The following ROCK1 variants were observed in gnomAD, a reference collection of about 807,000 sequenced individuals.
The protein encoded by ROCK1 is Rho associated coiled-coil containing protein kinase 1.
Under a neutral mutation model 196.8 loss-of-function variants are expected in ROCK1, and 36 were observed. The ratio of observed to expected loss-of-function variants is 0.18; its 90% CI spans 0.14 to 0.24. The LOEUF is 0.24. Among genes scored for constraint, ROCK1 ranks in the 10% least tolerant of loss-of-function variants. The pLI, the probability that ROCK1 is intolerant of heterozygous loss-of-function variation, is 1.00. For missense variants in ROCK1, 920 were observed against 1,562.0 expected (o/e 0.59, Z 6.93); for synonymous variants, 443 against 515.9 (o/e 0.86, Z 1.91).
At chr18:21,079,118 C>T (rs2036460723) in intron 1 of ROCK1, among the ~76,000 whole-genome samples, 1 of 152,108 alleles carries the variant, frequency 6.6e-6, no homozygotes. Context: ...TGTGGTCTTT[C>T]GCAGGCCTTC....
intron 17 of ROCK1, among the ~76,000 whole-genome samples, chr18:20,991,907 G>T (rs1443765502): frequency 1.3e-5 from 2 of 151,736 alleles, no homozygotes; most frequent in African/African-American, 4.8e-5. Flanking sequence ...CAAAGTGTTG[G>T]GTCTACAGGC....
intron 2 of ROCK1, among the ~76,000 whole-genome samples, chr18:21,064,497 T>G (rs1272047083): frequency 2.0e-5 from 3 of 152,220 alleles, no homozygotes; most frequent in African/African-American, 2.4e-5. Flanking sequence ...GTCTTGTTCT[T>G]CATGTCTTTA....
intron 2 of ROCK1, among the ~76,000 whole-genome samples, chr18:21,060,872 T>A (rs948521090): frequency 4.1e-5 from 6 of 146,976 alleles, no homozygotes; most frequent in African/African-American, 1.3e-4. Flanking sequence ...CCTAAATTCA[T>A]GCAAAAACTT....
In ROCK1 at chr18:20,949,884, T is replaced by C. The variant is rs2035167337; in HGVS notation, c.*1500A>G. 6.5e-6 allele frequency: 1 copy of C among 152,688 alleles called. No individual in the cohort carries two copies. The allele number at this position is 152,688 out of a possible 1,614,324, so 9.5% of individuals were successfully genotyped here. A position where few individuals can be genotyped will look rare whatever the true frequency, so the allele number is the denominator to read the frequency against. ...AGTAAAAATTAAAGATACCCATCCA[T>C]AAATTACTTTTATTTCTCATTAAAT... On this transcript the variant is annotated 3_prime_UTR_variant, in exon 33 of 33. Coordinates refer to ENST00000399799, the MANE Select transcript of ROCK1 (RefSeq NM_005406.3).
intron 1 of ROCK1, among the ~76,000 whole-genome samples, chr18:21,092,200 G>T (rs899760062): frequency 6.6e-6 from 1 of 152,152 alleles, no homozygotes; most frequent in Non-Finnish European, 1.5e-5. Context: ...AGGTATTGGA[G>T]AGTTACAATG....
At chr18:21,004,257 TG>T (rs1330774676) in intron 16 of ROCK1, among the ~76,000 whole-genome samples, 1 of 152,164 alleles carries the variant, frequency 6.6e-6, no homozygotes, top group Non-Finnish European at 1.5e-5. Context: ...AGATCATATA[TG>T]GAGGACATTC....
Position 20,967,808 on chromosome 18 carries a change from CTCTT to C in ROCK1, c.3132_3135del (p.Glu1046AsnfsTer6). Reference sequence around the variant, plus strand: ...TTCACTACCATCTGGTTGAATTTCTCTCTTTCTTGGTTGAGTTCCAGTTGCAGCT... The same window carrying C: ...TTCACTACCATCTGGTTGAATTTCTCTCTTGGTTGAGTTCCAGTTGCAGCT... On this transcript the variant is annotated frameshift_variant, in exon 26 of 33. Transcript: ENST00000399799. LOFTEE classifies it high-confidence loss of function. 1 of 1,608,910 alleles carries C rather than the reference CTCTT, an allele frequency of 6.2e-7. No individual in the cohort carries two copies. The highest frequency in any genetic ancestry group is 1.3e-5 in the African/African-American group (1 of 74,808).
chr18:21,107,817 G>A (rs2036715980), intron 1 of ROCK1, among the ~76,000 whole-genome samples: 1 of 152,210 alleles, frequency 6.6e-6, no homozygotes, highest in Non-Finnish European at 1.5e-5. Flanking sequence ...ACTTCGGGAG[G>A]CCAAGGCAGG....
chr18:21,098,636 A>C (rs1445259312), intron 1 of ROCK1, among the ~76,000 whole-genome samples: 1 of 2,744 alleles, frequency 3.6e-4, no homozygotes, highest in Non-Finnish European at 0.016. Flanking sequence ...GAAAAATTGC[A>C]AAAAAAAAAA....
chr18:21,060,411 G>C (rs1326823625), intron 2 of ROCK1, among the ~76,000 whole-genome samples: 5 of 152,200 alleles, frequency 3.3e-5, no homozygotes, highest in African/African-American at 1.2e-4. Flanking sequence ...TTCATTGTTG[G>C]TGGGAATGTA....
chr18:21,022,083 C>T (rs779352337), intron 11 of ROCK1, among the ~76,000 whole-genome samples: 9 of 152,152 alleles, frequency 5.9e-5, no homozygotes, highest in Non-Finnish European at 1.3e-4. Context: ...TCATTATCAG[C>T]TTTTTAAAAA....
intron 2 of ROCK1, among the ~76,000 whole-genome samples, chr18:21,060,848 A>AAC (rs1462575016): frequency 1.3e-5 from 2 of 151,620 alleles, no homozygotes; most frequent in African/African-American, 4.8e-5. Flanking sequence ...TCAAAAAAAA[A>AAC]AAAAAAAAAA....
At chr18:20,961,942 T>G (rs1174590314) in intron 27 of ROCK1, among the ~76,000 whole-genome samples, 1 of 151,252 alleles carries the variant, frequency 6.6e-6, no homozygotes, top group African/African-American at 2.4e-5. Context: ...ATTGCTGCAA[T>G]TTAGTTCATG....
At chr18:21,030,858 T>C (rs2035999845) in intron 9 of ROCK1, among the ~76,000 whole-genome samples, 1 of 152,066 alleles carries the variant, frequency 6.6e-6, no homozygotes, top group African/African-American at 2.4e-5. Context: ...CTCAAAGAAA[T>C]CATACCTCCA....
At chr18:20,976,004 G>A (rs1289565765) in intron 22 of ROCK1, among the ~76,000 whole-genome samples, 3 of 152,074 alleles carry the variant, frequency 2.0e-5, no homozygotes, top group African/African-American at 4.8e-5. Flanking sequence ...TTACACTGTT[G>A]GTAGCTTATT....
At chr18:21,077,024 A>G (rs1196678974) in intron 1 of ROCK1, among the ~76,000 whole-genome samples, 2 of 127,184 alleles carry the variant, frequency 1.6e-5, no homozygotes, top group Non-Finnish European at 3.1e-5. Flanking sequence ...CGGACTGCGG[A>G]CTGCAGTGGC....
intron 29 of ROCK1, among the ~76,000 whole-genome samples, chr18:20,959,150 A>AT (rs2035298008): frequency 1.4e-5 from 1 of 69,008 alleles, no homozygotes; most frequent in East Asian, 4.2e-4. Context: ...TATATAAAAT[A>AT]TATATATTAT....
chr18:21,076,938 C>T (rs2036437008), intron 1 of ROCK1, among the ~76,000 whole-genome samples: 1 of 151,900 alleles, frequency 6.6e-6, no homozygotes, highest in Admixed American at 6.6e-5. Context: ...CTTGTCCCAC[C>T]CCCTGCCAGA....
At chr18:21,010,752 C>T (rs2035809791) in intron 13 of ROCK1, among the ~76,000 whole-genome samples, 1 of 152,170 alleles carries the variant, frequency 6.6e-6, no homozygotes. Context: ...TTGAGTTCTC[C>T]TATGTTTGGT....
Sources: gnomAD v4.1 joint callset for allele counts (sites outside exome capture counted in the v4.1 genomes callset) on GRCh38, gnomAD v4.1.1 for gene constraint, MANE v1.5 for transcripts, NCBI Gene and HGNC (gene_info 2026-07-23, HGNC 2026-07-21) for gene names.